Variants in NUP133 observed in about 807,000 individuals in gnomAD.
The protein encoded by NUP133 is nucleoporin 133, also known as nuclear pore complex protein Nup133.
NUP133 carries 66 observed loss-of-function variants against 146.2 expected under a neutral mutation model. The ratio of observed to expected loss-of-function variants is 0.45; its 90% CI spans 0.37 to 0.55. NUP133 has a LOEUF of 0.55. Ranked by LOEUF, NUP133 falls within the 20% of genes least tolerant of loss-of-function variation. The pLI is 0.00. For synonymous variants in NUP133, 521 were observed against 498.8 expected (o/e 1.04, Z -0.59); for missense variants, 1,277 against 1,374.8 (o/e 0.93, Z 1.12).
intron 24 of NUP133, among the ~76,000 whole-genome samples, chr1:229,448,421 T>C (rs999190562): frequency 2.0e-5 from 3 of 151,756 alleles, no homozygotes; most frequent in Admixed American, 6.6e-5. Flanking sequence ...AGAGCTAAAC[T>C]CTGTCTCAAA....
chr1:229,465,799 A>G (rs1660796438), intron 16 of NUP133, among the ~76,000 whole-genome samples: 1 of 150,358 alleles, frequency 6.7e-6, no homozygotes, highest in South Asian at 2.1e-4. Context: ...CTGAGGCAGG[A>G]GGACTGCTTG....
At chr1:229,456,427 A>T (rs1267114702) in intron 21 of NUP133, among the ~76,000 whole-genome samples, 3 of 152,102 alleles carry the variant, frequency 2.0e-5, no homozygotes, top group Non-Finnish European at 2.9e-5. Context: ...AGACTCATGA[A>T]TTTTTTTGTC....
At chr1:229,450,639 C>T (rs779795344) in intron 22 of NUP133, 34 bp from the exon 23 acceptor site, 2 of 1,098,218 alleles carry the variant, frequency 1.8e-6, no homozygotes, top group South Asian at 2.8e-5. Flanking sequence ...GAAGATTATA[C>T]AATCATGTAA....
At position 229,441,180 on chromosome 1, in the gene NUP133, AG is replaced by A; in HGVS notation, c.*723del. On this transcript the variant is annotated 3_prime_UTR_variant, in exon 26 of 26. Coordinates refer to ENST00000261396, the MANE Select transcript of NUP133 (RefSeq NM_018230.3). ...AGGCAGACTGTGGTAAAGATTCATG[AG>A]TCATTCTGAAAATACATGAGGCTGG... The A allele has an allele frequency of 3.0e-6, 1 of 335,918 alleles. No individual in the cohort carries two copies. The highest frequency in any genetic ancestry group is 2.5e-5 in the South Asian group (1 of 40,812). 20.8% of individuals were successfully genotyped at this position (335,918 alleles called of 1,614,324 possible). A position where few individuals can be genotyped will look rare whatever the true frequency, so the allele number is the denominator to read the frequency against.
intron 14 of NUP133, among the ~76,000 whole-genome samples, chr1:229,471,978 A>G (rs1660966563): frequency 6.6e-6 from 1 of 152,210 alleles, no homozygotes; most frequent in South Asian, 2.1e-4. Context: ...TAAGAGTTAC[A>G]TGGTCTTTCC....
Position 229,498,086 on chromosome 1 carries a change from T to C in NUP133, c.819+50A>G, listed in dbSNP as rs556720940. ...AAATTCAGAGGATACTTTCAACTTA[T>C]TGATTTAACTAAGAAATAAGCTTGT... On this transcript the variant is annotated intron_variant, in intron 6 of 25. Transcript: ENST00000261396. 13 of 1,342,368 alleles carry C rather than the reference T, an allele frequency of 9.7e-6. No homozygotes were observed. In the South Asian group the frequency reaches 1.3e-4, roughly 13 times the overall value. 83.2% of individuals were successfully genotyped at this position (1,342,368 alleles called of 1,614,324 possible). A position where few individuals can be genotyped will look rare whatever the true frequency, so the allele number is the denominator to read the frequency against.
intron 5 of NUP133, among the ~76,000 whole-genome samples, 170 bp from the exon 6 acceptor site, chr1:229,498,476 A>AT (rs984579457): frequency 6.6e-6 from 1 of 152,218 alleles, no homozygotes; most frequent in African/African-American, 2.4e-5. Context: ...CATTCAGTTA[A>AT]TATTATTAAT....
intron 1 of NUP133, among the ~76,000 whole-genome samples, chr1:229,507,575 G>A (rs1477745608): frequency 6.6e-6 from 1 of 152,170 alleles, no homozygotes; most frequent in Non-Finnish European, 1.5e-5. Flanking sequence ...TCCGTAGCTA[G>A]AAACCCTTTA....
At chr1:229,484,222 T>C in intron 11 of NUP133, 77 bp from the exon 12 acceptor site, 1 of 988,376 alleles carries the variant, frequency 1.0e-6, no homozygotes. Context: ...ACTGCACCCA[T>C]CCTATGATAG....
chr1:229,443,913 TTTTTTA>T lies in NUP133; in HGVS notation c.3334+995_3334+1000del, dbSNP rs1425837302. Among the ~76,000 whole-genome samples the T allele has an allele frequency of 7.6e-3, 1,056 of 138,142 alleles. 9 individuals carry two copies. Among genetic ancestry groups the T allele is most frequent in the Middle Eastern group, 0.022 (6 of 270 alleles). The allele number at this position is 138,142 out of a possible 152,430, so 90.6% of individuals were successfully genotyped here. A position where few individuals can be genotyped will look rare whatever the true frequency, so the allele number is the denominator to read the frequency against. On this transcript the variant is annotated intron_variant, in intron 25 of 25. Transcript: ENST00000261396. ...TCAACTCTTTTTTTTTTTTTTTTTTTTTTTTAAAATAGGGACAGGATCTCCCTATGT... is the reference window on the plus strand; with the variant it reads ...TCAACTCTTTTTTTTTTTTTTTTTTTAAATAGGGACAGGATCTCCCTATGT...
intron 14 of NUP133, 64 bp downstream of exon 14, chr1:229,475,574 C>T (rs761845817): frequency 1.6e-5 from 19 of 1,176,930 alleles, no homozygotes; most frequent in Non-Finnish European, 2.4e-5. Flanking sequence ...AGAGAAGAGA[C>T]TTCCCACTGT....
At chr1:229,507,419 G>C (rs1661973116) in intron 1 of NUP133, among the ~76,000 whole-genome samples, 1 of 152,140 alleles carries the variant, frequency 6.6e-6, no homozygotes, top group South Asian at 2.1e-4. Flanking sequence ...TTATGAACAT[G>C]GTGTGTGTTG....
chr1:229,451,714 GTTCA>G, intron 22 of NUP133, among the ~76,000 whole-genome samples: 1 of 152,212 alleles, frequency 6.6e-6, no homozygotes, highest in Admixed American at 6.5e-5. Flanking sequence ...ATCTGCTTGT[GTTCA>G]TTGTCTTACA....
chr1:229,458,475 T>C (rs1214884473), intron 20 of NUP133, among the ~76,000 whole-genome samples, 179 bp from the exon 21 acceptor site: 2 of 152,074 alleles, frequency 1.3e-5, no homozygotes, highest in African/African-American at 4.8e-5. Context: ...CACAGCAAAA[T>C]ATCAACCATC....
intron 24 of NUP133, among the ~76,000 whole-genome samples, chr1:229,448,150 C>G (rs925006749): frequency 6.6e-6 from 1 of 152,204 alleles, no homozygotes; most frequent in South Asian, 2.1e-4. Flanking sequence ...CGGGAGGAGC[C>G]GGGCGTGGTG....
At chr1:229,458,867 C>A (rs1371923240) in intron 20 of NUP133, among the ~76,000 whole-genome samples, 3 of 151,962 alleles carry the variant, frequency 2.0e-5, no homozygotes, top group Non-Finnish European at 4.4e-5. Flanking sequence ...GAGCCACAGG[C>A]ACCCAGCCTG....
intron 18 of NUP133, 78 bp from the exon 19 acceptor site, chr1:229,463,754 T>G: frequency 1.4e-6 from 2 of 1,397,514 alleles, no homozygotes; most frequent in Non-Finnish European, 9.6e-7. Context: ...TACTTGAAAT[T>G]TTATCTTTAT....
intron 21 of NUP133, among the ~76,000 whole-genome samples, 167 bp downstream of exon 21, chr1:229,457,994 C>T (rs1426955204): frequency 6.6e-6 from 1 of 152,082 alleles, no homozygotes; most frequent in Non-Finnish European, 1.5e-5. Flanking sequence ...TAAAAAAATT[C>T]CAAGTATATA....
At chr1:229,469,747 T>C (rs753236852) in intron 15 of NUP133, among the ~76,000 whole-genome samples, 3 of 152,236 alleles carry the variant, frequency 2.0e-5, no homozygotes, top group Non-Finnish European at 4.4e-5. Context: ...GGGCCTCACA[T>C]TCATCTGACC....
Sources: gnomAD v4.1 joint callset for allele counts (sites outside exome capture counted in the v4.1 genomes callset) on GRCh38, gnomAD v4.1.1 for gene constraint, MANE v1.5 for transcripts, NCBI Gene and HGNC (gene_info 2026-07-23, HGNC 2026-07-21) for gene names.